Variants in PCDHA2 observed in about 807,000 individuals in gnomAD.
PCDHA2 encodes protocadherin alpha 2, also known as protocadherin alpha-2.
PCDHA2 carries 58 observed loss-of-function variants against 66.0 expected under a neutral mutation model. The observed-to-expected ratio is 0.88, with a 90% CI of 0.71 to 1.09. The LOEUF (loss-of-function observed/expected upper bound fraction) is 1.09, where lower values mean the gene tolerates loss of function less well. PCDHA2 is among the 50% of genes least tolerant of loss of function. The probability of loss-of-function intolerance (pLI) is 0.00; values close to 1 mark genes in which losing one functional copy is unlikely to be tolerated. For synonymous variants in PCDHA2, 634 were observed against 554.0 expected, an observed-to-expected ratio of 1.14 and a Z score of -2.03; for missense variants, 1,267 against 1,242.3, an observed-to-expected ratio of 1.02 and a Z score of -0.30.
intron 3 of PCDHA2, among the ~76,000 whole-genome samples, chr5:140,985,672 G>A (rs1195009915): frequency 6.6e-6 from 1 of 151,738 alleles, no homozygotes. Flanking sequence ...AGGAAGTGGG[G>A]CCTGCCTTAC....
At chr5:140,843,537 T>C (rs2150362232) in intron 1 of PCDHA2, 5 of 1,595,784 alleles carry the variant, frequency 3.1e-6, no homozygotes, top group Non-Finnish European at 4.3e-6. Flanking sequence ...AAGCCCACTC[T>C]GGTGTGCTCC....
chr5:140,877,076 T>C, intron 1 of PCDHA2: 1 of 1,613,022 alleles, frequency 6.2e-7, no homozygotes, highest in Non-Finnish European at 8.5e-7. Flanking sequence ...CAGTTCCAGG[T>C]GAGCGCGCGC....
chr5:140,809,471 G>A (rs1250038191), intron 1 of PCDHA2: 30 of 1,614,116 alleles, frequency 1.9e-5, no homozygotes, highest in Non-Finnish European at 2.5e-5. Flanking sequence ...GTGCTCTGGT[G>A]AGGGCCCACC....
chr5:140,918,925 T>C (rs2078925990), intron 1 of PCDHA2, among the ~76,000 whole-genome samples: 1 of 152,238 alleles, frequency 6.6e-6, no homozygotes, highest in Non-Finnish European at 1.5e-5. Context: ...ACACAGCATA[T>C]GGCATTTTGT....
chr5:140,812,551 G>A (rs1765132254), intron 1 of PCDHA2: 1 of 151,806 alleles, frequency 6.6e-6, no homozygotes, highest in Non-Finnish European at 1.5e-5. Context: ...AGTTCCTTGA[G>A]TTGTTAAGTT....
chr5:140,841,400 G>T, intron 1 of PCDHA2: 1 of 1,613,214 alleles, frequency 6.2e-7, no homozygotes, highest in African/African-American at 1.3e-5. Flanking sequence ...CTGGAAGGTG[G>T]GGAGCGGCCA....
At chr5:140,835,076 G>C (rs2150230443) in intron 1 of PCDHA2, 808 of 1,210,720 alleles carry the variant, frequency 6.7e-4, no homozygotes, top group Non-Finnish European at 8.8e-4. Flanking sequence ...TACTCATCAC[G>C]GTACTGGACA....
chr5:140,839,240 T>C (rs2150295728), intron 1 of PCDHA2, among the ~76,000 whole-genome samples: 1 of 152,152 alleles, frequency 6.6e-6, no homozygotes, highest in African/African-American at 2.4e-5. Context: ...TTTTATTGCT[T>C]TGCTTTTATG....
chr5:140,904,747 A>T (rs1462923024), intron 1 of PCDHA2, among the ~76,000 whole-genome samples: 1 of 151,918 alleles, frequency 6.6e-6, no homozygotes, highest in Non-Finnish European at 1.5e-5. Context: ...TATTATGACC[A>T]TTTTTGCAAG....
At chr5:140,861,700 T>C (rs2047027429) in intron 1 of PCDHA2, 1 of 222,356 alleles carries the variant, frequency 4.5e-6, no homozygotes, top group Non-Finnish European at 9.0e-6. Flanking sequence ...GTGTCTGTGA[T>C]GCCGACGTCG....
chr5:140,862,716 G>T, intron 1 of PCDHA2: 3 of 564,370 alleles, frequency 5.3e-6, no homozygotes, highest in Non-Finnish European at 1.0e-5. Flanking sequence ...GGGTGGGCGA[G>T]TGCGCGCTGT....
intron 1 of PCDHA2, chr5:140,854,299 C>A: frequency 2.4e-6 from 1 of 414,144 alleles, no homozygotes; most frequent in Non-Finnish European, 3.2e-6. Context: ...TTATTTTGTG[C>A]GTGGAGATGA....
chr5:140,886,972 A>G (rs2061245917), intron 1 of PCDHA2, among the ~76,000 whole-genome samples: 1 of 152,122 alleles, frequency 6.6e-6, no homozygotes, highest in South Asian at 2.1e-4. Context: ...GAAATTTATT[A>G]TTTTGTAAAT....
rs2150277025 is a variant in PCDHA2, at chr5:140,837,589, G to A, written c.2388+40237G>A. Among the ~76,000 whole-genome samples the A allele has an allele frequency of 4.8e-4, 73 of 151,324 alleles. 1 individual carries two copies. Among genetic ancestry groups the A allele is most frequent in the Admixed American group, 7.9e-4 (12 of 15,168 alleles). On this transcript the variant is annotated intron_variant, in intron 1 of 3. Coordinates refer to ENST00000526136, the MANE Select transcript of PCDHA2 (RefSeq NM_018905.3). ...ATTTACAATCACCAAATTGTAAATCGCCAATATATATATTTTATAATTTGC... is the reference window on the plus strand; with the variant it reads ...ATTTACAATCACCAAATTGTAAATCACCAATATATATATTTTATAATTTGC...
chr5:140,809,658 T>G (rs1554125340), intron 1 of PCDHA2: 2 of 1,487,350 alleles, frequency 1.3e-6, no homozygotes, highest in East Asian at 4.6e-5. Flanking sequence ...GAGTCAAATT[T>G]CCCTGGGTTA....
intron 1 of PCDHA2, among the ~76,000 whole-genome samples, chr5:140,957,916 T>C (rs1554223208): frequency 6.6e-6 from 1 of 152,114 alleles, no homozygotes; most frequent in African/African-American, 2.4e-5. Context: ...TTGTTATCTA[T>C]GTATCAAGCT....
rs577872820 is a variant in PCDHA2, at chr5:140,862,061, T to G, written c.2388+64709T>G. Reference sequence around the variant, plus strand: ...AACCGTCACATTGTTTCTTTGCAACTGATGTCTCCCCTAACATAGAAGCCC... The same window carrying G: ...AACCGTCACATTGTTTCTTTGCAACGGATGTCTCCCCTAACATAGAAGCCC... On this transcript the variant is annotated intron_variant, in intron 1 of 3. Coordinates refer to ENST00000526136, the MANE Select transcript of PCDHA2 (RefSeq NM_018905.3). 26 of 155,902 alleles carry G rather than the reference T, an allele frequency of 1.7e-4. No homozygotes were observed. In the South Asian group the frequency reaches 2.8e-3, roughly 17 times the overall value. 9.7% of individuals were successfully genotyped at this position (155,902 alleles called of 1,614,324 possible).
chr5:140,869,670 T>G, intron 1 of PCDHA2: 1 of 1,613,470 alleles, frequency 6.2e-7, no homozygotes, highest in Non-Finnish European at 8.5e-7. Context: ...GTAAGCAGAT[T>G]AAAAGACTGT....
intron 1 of PCDHA2, chr5:140,850,379 G>A: frequency 1.3e-6 from 2 of 1,597,906 alleles, no homozygotes; most frequent in Non-Finnish European, 1.7e-6. Flanking sequence ...GGCTGTACAC[G>A]GGCGAGATCA....
Sources: allele counts gnomAD v4.1 joint callset (sites outside exome capture counted in the v4.1 genomes callset), GRCh38; gene constraint gnomAD v4.1.1; transcripts MANE v1.5; gene names NCBI Gene and HGNC (gene_info 2026-07-23, HGNC 2026-07-21).